ITPR1: variants seen among roughly 807,000 people sequenced by gnomAD.
ITPR1 encodes the protein inositol 1,4,5-trisphosphate receptor type 1, also known as inositol 1,4,5-trisphosphate-gated calcium channel ITPR1.
A neutral mutation model predicts 318.4 loss-of-function variants in ITPR1; 96 were observed. The observed-to-expected ratio is 0.30, with a 90% CI of 0.26 to 0.36. The LOEUF (loss-of-function observed/expected upper bound fraction) is 0.36, where lower values mean the gene tolerates loss of function less well. ITPR1 is among the 10% of genes least tolerant of loss of function. The pLI, the probability that ITPR1 is intolerant of heterozygous loss-of-function variation, is 1.00. For missense variants in ITPR1, 2,440 were observed against 3,460.2 expected, an observed-to-expected ratio of 0.71 and a Z score of 7.40; for synonymous variants, 1,312 against 1,289.9, an observed-to-expected ratio of 1.02 and a Z score of -0.37.
At chr3:4,533,842 G>C (rs1473002591) in intron 4 of ITPR1, among the ~76,000 whole-genome samples, 1 of 152,180 alleles carries the variant, frequency 6.6e-6, no homozygotes, top group Non-Finnish European at 1.5e-5. Context: ...TCGTTTGCTC[G>C]AGATGGTAAT....
chr3:4,638,432 G>A (rs1266740575), intron 5 of ITPR1, among the ~76,000 whole-genome samples: 1 of 152,152 alleles, frequency 6.6e-6, no homozygotes, highest in Non-Finnish European at 1.5e-5. Flanking sequence ...TTGCACAGGT[G>A]AATGAATTCG....
In ITPR1 at chr3:4,691,124, T is replaced by C. The variant is rs1354792254; in HGVS notation, c.3829-20T>C. On this transcript the variant is annotated intron_variant, in intron 31 of 61. Transcript: ENST00000649015. ...GCTTTTTGACTTGTCCCTGTGCTCT[T>C]TTCCTCACTCTTGTGCCAGATCCTG... is the stretch of plus-strand genomic sequence containing the variant. 5 of 1,577,158 alleles carry C rather than the reference T, an allele frequency of 3.2e-6. No individual in the cohort carries two copies. In the Admixed American group the frequency reaches 8.7e-5, roughly 27 times the overall value.
intron 60 of ITPR1, among the ~76,000 whole-genome samples, chr3:4,834,444 G>A (rs765502887): frequency 2.6e-5 from 4 of 152,116 alleles, no homozygotes; most frequent in Admixed American, 6.5e-5. Context: ...AGCAGCCACC[G>A]TGAGTATCCA....
rs539646375 is a variant in ITPR1 at position 4,826,175 on chromosome 3, G to A, written c.8028+7933G>A. 5.0e-4 allele frequency among the ~76,000 whole-genome samples: 76 copies of A among 152,390 alleles called. No individual in the cohort carries two copies. The highest frequency in any genetic ancestry group is 3.3e-3 in the Admixed American group (51 of 15,314). On this transcript the variant is annotated intron_variant, in intron 60 of 61. Transcript: ENST00000649015. This position sits in a 1 kb window ranked among gnomAD's most constrained non-coding sequence, Gnocchi z 4.2. ...TGGACACCTTCTGCTTCGTGCAGAT[G>A]CACGATGATGGGTTTGGGCTTTTAT...
At position 4,806,109 on chromosome 3, in the gene ITPR1, A is replaced by G. The variant is rs1197574895; in HGVS notation, c.7114A>G (p.Asn2372Asp). Reference sequence around the variant, plus strand: ...TTCCTGTCATTGTTCTCAGGTATGCAATAAAATCATCTTTCTAATGAGCTT... The same window carrying G: ...TTCCTGTCATTGTTCTCAGGTATGCGATAAAATCATCTTTCTAATGAGCTT... ...LFLLGAFNVC[N>D]KIIFLMSFVG... Residue 2372 changes from asparagine to aspartate, a missense_variant, in exon 55 of 62, where the codon AAT becomes GAT. Asn to Asp is a conservative substitution (Grantham distance 23). Coordinates refer to ENST00000649015, the MANE Select transcript of ITPR1 (RefSeq NM_001378452.1). The G allele has an allele frequency of 6.2e-7, 1 of 1,613,520 alleles. No individual in the cohort carries two copies. Among genetic ancestry groups the G allele is most frequent in the Non-Finnish European group, 8.5e-7 (1 of 1,179,580 alleles).
chr3:4,768,008 C>T (rs949931325), intron 45 of ITPR1, among the ~76,000 whole-genome samples: 2 of 152,198 alleles, frequency 1.3e-5, no homozygotes, highest in Non-Finnish European at 2.9e-5. Context: ...GTCAGTACTG[C>T]TAACTGTAAT....
chr3:4,815,309 C>G lies in ITPR1; in HGVS notation c.7867+91C>G, dbSNP rs6442911. On this transcript the variant is annotated intron_variant, in intron 59 of 61. Transcript: ENST00000649015. ...TGCGAGGGTGTGATGGGCGGGGTGC[C>G]TGCCCAGTTATGCGGGAGGGGGCAC... The G allele has an allele frequency of 0.99, 1,267,240 of 1,282,636 alleles. 627,011 individuals are homozygous for G. The highest frequency in any genetic ancestry group is 1 in the East Asian group (40,440 of 40,440). The allele number at this position is 1,282,636 out of a possible 1,614,324, so 79.5% of individuals were successfully genotyped here. A position where few individuals can be genotyped will look rare whatever the true frequency, so the allele number is the denominator to read the frequency against.
intron 4 of ITPR1, among the ~76,000 whole-genome samples, chr3:4,612,639 C>T (rs924373242): frequency 2.6e-5 from 4 of 152,044 alleles, no homozygotes; most frequent in African/African-American, 7.2e-5. Flanking sequence ...GTAATCCCAG[C>T]ACTTTTGGAG....
Position 4,554,194 on chromosome 3 carries a change from C to T in ITPR1, c.163+33100C>T, listed in dbSNP as rs558228106. Among the ~76,000 whole-genome samples, 4 of 152,310 alleles carry T rather than the reference C, an allele frequency of 2.6e-5. No homozygotes were observed. The East Asian group carries it at 5.8e-4, about 22-fold the overall frequency. The stretch of plus-strand genomic sequence containing the variant: ...AGTTTAAGTATCTTGCCCAAGGTAA[C>T]AGTCACTGAGTGGCACAGTTAGTGA... On this transcript the variant is annotated intron_variant, in intron 4 of 61. Transcript: ENST00000649015.
At position 4,818,041 on chromosome 3, in the gene ITPR1, G is replaced by A. The variant is rs9844268; in HGVS notation, c.7868-41G>A. The stretch of plus-strand genomic sequence containing the variant: ...TTATTGATTTTTTTTCTTTACCAAG[G>A]CTGCTCAGCTGGGGCTGGGGGCTTT... On this transcript the variant is annotated intron_variant, in intron 59 of 61. Coordinates refer to ENST00000649015, the MANE Select transcript of ITPR1 (RefSeq NM_001378452.1). 1,530,085 of 1,544,178 alleles carry A rather than the reference G, an allele frequency of 0.99. 759,068 individuals are homozygous for A. Among genetic ancestry groups the A allele is most frequent in the East Asian group, 1 (43,570 of 43,570 alleles).
chr3:4,760,793 C>T lies in ITPR1; in HGVS notation c.5545-5737C>T, dbSNP rs182371130. ...GTCCTTCTCACATTGCCTCTCGCCA[C>T]CCTCCTCTCCTGCCTCCTGCCTCCA... On this transcript the variant is annotated intron_variant, in intron 44 of 61. Transcript: ENST00000649015. Among the ~76,000 whole-genome samples the T allele has an allele frequency of 5.0e-4, 76 of 152,272 alleles. 1 individual carries two copies. In the East Asian group the frequency reaches 0.013, roughly 26 times the overall value.
chr3:4,698,691 A>G (rs1200570528), intron 34 of ITPR1, among the ~76,000 whole-genome samples: 1 of 152,200 alleles, frequency 6.6e-6, no homozygotes, highest in East Asian at 1.9e-4. Context: ...AATGCTGTAA[A>G]ATCAGTTATT....
At chr3:4,499,060 A>C (rs1319921372) in intron 2 of ITPR1, among the ~76,000 whole-genome samples, 1 of 152,234 alleles carries the variant, frequency 6.6e-6, no homozygotes, top group African/African-American at 2.4e-5. Flanking sequence ...GGACGGAGGC[A>C]GGAGAATTAC....
chr3:4,553,542 C>G (rs1206192887), intron 4 of ITPR1, among the ~76,000 whole-genome samples: 1 of 151,878 alleles, frequency 6.6e-6, no homozygotes, highest in Non-Finnish European at 1.5e-5. Context: ...GCAGTCCTCC[C>G]ACCTCAGCCT....
intron 10 of ITPR1, among the ~76,000 whole-genome samples, chr3:4,646,931 A>C (rs2686605): frequency 0.18 from 27,024 of 151,604 alleles, 2,682 homozygotes; most frequent in Non-Finnish European, 0.22. Flanking sequence ...GGTCTAGCCT[A>C]TGTATAGTAT....
chr3:4,763,493 T>G (rs2045597779), intron 44 of ITPR1, among the ~76,000 whole-genome samples: 1 of 152,234 alleles, frequency 6.6e-6, no homozygotes, highest in Non-Finnish European at 1.5e-5. Flanking sequence ...CATTTCATCT[T>G]GACCTCAGAG....
Position 4,794,051 on chromosome 3 carries a change from A to T in ITPR1, c.6809-1014A>T, listed in dbSNP as rs367566443. Among the ~76,000 whole-genome samples the T allele has an allele frequency of 9.2e-5, 14 of 152,286 alleles. No individual in the cohort carries two copies. The South Asian group carries it at 2.9e-3, about 32-fold the overall frequency. ...TGGGAAAAAGAAATATACGATCGAG[A>T]TCCATTCTCACGTACTCCATGCTTT... On this transcript the variant is annotated intron_variant, in intron 52 of 61. Coordinates refer to ENST00000649015, the MANE Select transcript of ITPR1 (RefSeq NM_001378452.1).
At chr3:4,727,806 G>A (rs1297809862) in intron 42 of ITPR1, among the ~76,000 whole-genome samples, 1 of 152,112 alleles carries the variant, frequency 6.6e-6, no homozygotes, top group Non-Finnish European at 1.5e-5. Context: ...AGACTCCTGG[G>A]CTCAAGCAAT....
rs191041183 is a variant in ITPR1 at position 4,809,458 on chromosome 3, C to T, written c.7273-1807C>T. Among the ~76,000 whole-genome samples, 350 of 152,214 alleles carry T rather than the reference C, an allele frequency of 2.3e-3. 1 individual carries two copies. Among genetic ancestry groups the T allele is most frequent in the African/African-American group, 8.1e-3 (338 of 41,496 alleles). On this transcript the variant is annotated intron_variant, in intron 55 of 61. Coordinates refer to ENST00000649015, the MANE Select transcript of ITPR1 (RefSeq NM_001378452.1). ...ATGTTCCTGATGGCTTGGTGAAAGG[C>T]TGGTTATGTGCCAGTATTATGGTCT...
Sources: gnomAD v4.1 joint callset for allele counts (sites outside exome capture counted in the v4.1 genomes callset) on GRCh38, gnomAD v4.1.1 for gene constraint, Gnocchi (gnomAD v3.1) non-coding constraint, MANE v1.5 for transcripts, NCBI Gene and HGNC (gene_info 2026-07-23, HGNC 2026-07-21) for gene names.